APBB2: variants seen among roughly 807,000 people sequenced by gnomAD.
APBB2 encodes the protein amyloid beta precursor protein binding family B member 2, also known as Fe65-like 1.
APBB2 carries 38 observed loss-of-function variants against 82.5 expected under a neutral mutation model. The ratio of observed to expected loss-of-function variants is 0.46; its 90% CI spans 0.36 to 0.60. The LOEUF is 0.60. Ranked by LOEUF, APBB2 falls within the 20% of genes least tolerant of loss-of-function variation. APBB2 has a pLI of 0.00. For synonymous variants in APBB2, 341 were observed against 368.2 expected (o/e 0.93, Z 0.85); for missense variants, 772 against 972.3 (o/e 0.79, Z 2.74).
intron 5 of APBB2, among the ~76,000 whole-genome samples, chr4:41,030,900 A>G (rs905892347): frequency 6.6e-6 from 1 of 152,084 alleles, no homozygotes; most frequent in African/African-American, 2.4e-5. Flanking sequence ...AAGGGCCAAT[A>G]GGAGTTTCAG....
intron 4 of APBB2, among the ~76,000 whole-genome samples, chr4:41,052,954 G>A (rs750765559): frequency 4.0e-5 from 6 of 151,894 alleles, no homozygotes; most frequent in South Asian, 4.2e-4. Context: ...TGGTAGTGAC[G>A]GGGTTTCACC....
intron 12 of APBB2, among the ~76,000 whole-genome samples, chr4:40,842,170 G>A (rs1756030035): frequency 6.6e-6 from 1 of 152,236 alleles, no homozygotes; most frequent in African/African-American, 2.4e-5. Context: ...AGTAGAGAAT[G>A]AGGAACGCAG....
chr4:41,185,260 C>A (rs570447769), intron 1 of APBB2, among the ~76,000 whole-genome samples: 2 of 152,182 alleles, frequency 1.3e-5, no homozygotes, highest in African/African-American at 2.4e-5. Flanking sequence ...CACAGCATTA[C>A]AATGAAGCTG....
chr4:41,009,329 T>C (rs975220193), intron 6 of APBB2, among the ~76,000 whole-genome samples: 17 of 151,334 alleles, frequency 1.1e-4, no homozygotes, highest in African/African-American at 3.9e-4. Flanking sequence ...TTTTCTAAAC[T>C]CCTATGAAAA....
chr4:40,959,948 C>T (rs992755383), intron 6 of APBB2, among the ~76,000 whole-genome samples: 8 of 152,102 alleles, frequency 5.3e-5, no homozygotes, highest in South Asian at 4.2e-4. Context: ...ATAACTTGAT[C>T]GAGGTTAGGA....
At chr4:40,908,140 C>T (rs1480040823) in intron 10 of APBB2, among the ~76,000 whole-genome samples, 4 of 151,650 alleles carry the variant, frequency 2.6e-5, no homozygotes, top group Admixed American at 1.3e-4. Context: ...AGCAGGGAGG[C>T]GCCCACACAG....
intron 6 of APBB2, among the ~76,000 whole-genome samples, chr4:40,995,525 T>C (rs969081030): frequency 6.6e-6 from 1 of 151,552 alleles, no homozygotes; most frequent in Non-Finnish European, 1.5e-5. Flanking sequence ...CCACTATATC[T>C]GGCTAATGTT....
chr4:41,074,964 A>G (rs1419812840), intron 3 of APBB2, among the ~76,000 whole-genome samples: 1 of 152,118 alleles, frequency 6.6e-6, no homozygotes, highest in Non-Finnish European at 1.5e-5. Context: ...AGCCTGAGAA[A>G]CATGGCAAAA....
intron 10 of APBB2, among the ~76,000 whole-genome samples, chr4:40,907,375 ATATATTTTTTT>A (rs1452766319): frequency 1.3e-3 from 42 of 32,502 alleles, no homozygotes; most frequent in East Asian, 0.012. Flanking sequence ...ATATATATAT[ATATATTTTTTT>A]TTTTTTTTTT....
Position 40,810,686 on chromosome 4 carries a change from T to C in APBB2, c.*5406A>G, listed in dbSNP as rs755353240. On this transcript the variant is annotated 3_prime_UTR_variant, in exon 18 of 18. Transcript: ENST00000508593. The stretch of plus-strand genomic sequence containing the variant: ...AATCCCTGAAGAAGAATTCTTCATG[T>C]TATCACTCTTGTACAGAAAGATATA... 6.6e-6 allele frequency: 1 copy of C among 152,150 alleles called. No individual in the cohort carries two copies. Among genetic ancestry groups the C allele is most frequent in the Non-Finnish European group, 1.5e-5 (1 of 68,014 alleles). 9.4% of individuals were successfully genotyped at this position (152,150 alleles called of 1,614,324 possible).
chr4:40,950,885 GAC>G (rs777312765), intron 6 of APBB2, among the ~76,000 whole-genome samples: 14 of 151,764 alleles, frequency 9.2e-5, no homozygotes, highest in East Asian at 7.7e-4. Context: ...ATTTAAAAAA[GAC>G]AATGAATAAA....
chr4:40,851,329 C>T (rs528977117), intron 12 of APBB2, among the ~76,000 whole-genome samples: 6 of 152,314 alleles, frequency 3.9e-5, no homozygotes, highest in East Asian at 1.9e-4. Context: ...GGATGCCCAA[C>T]ATGTGAAGCG....
chr4:40,916,680 C>T (rs191409629), intron 10 of APBB2, among the ~76,000 whole-genome samples: 1 of 152,188 alleles, frequency 6.6e-6, no homozygotes, highest in East Asian at 1.9e-4. Flanking sequence ...TGAAGGAAGC[C>T]CAGGAGGTCC....
chr4:41,160,023 GAAGAAGAAGAAGAAA>G lies in APBB2; in HGVS notation c.-416-16896_-416-16882del, dbSNP rs1310491642. Among the ~76,000 whole-genome samples the G allele has an allele frequency of 1.1e-3, 159 of 147,284 alleles. 5 individuals carry two copies. Among genetic ancestry groups the G allele is most frequent in the African/African-American group, 4.1e-3 (156 of 37,854 alleles). ...AGAAGAAGAAGAAGAAGAAGAAGAA[GAAGAAGAAGAAGAAA>G]ACATCACAGGATGCTGTTTTGCGGA... On this transcript the variant is annotated intron_variant, in intron 1 of 17. Transcript: ENST00000508593.
chr4:40,997,466 G>A (rs1803942336), intron 6 of APBB2, among the ~76,000 whole-genome samples: 1 of 152,124 alleles, frequency 6.6e-6, no homozygotes, highest in South Asian at 2.1e-4. Flanking sequence ...ACAAAAGCAA[G>A]GTCAGTTAAG....
intron 10 of APBB2, among the ~76,000 whole-genome samples, chr4:40,913,999 G>A (rs1044304385): frequency 6.6e-6 from 1 of 152,092 alleles, no homozygotes; most frequent in Admixed American, 6.6e-5. Context: ...ACCTTGGGAC[G>A]CTGAGATGGG....
At chr4:40,839,696 G>A (rs1453820693) in intron 12 of APBB2, among the ~76,000 whole-genome samples, 3 of 150,000 alleles carry the variant, frequency 2.0e-5, no homozygotes, top group Non-Finnish European at 3.0e-5. Flanking sequence ...GTGGAGTCTC[G>A]CTCTGTTGCC....
chr4:40,922,861 ACC>A (rs1781615536), intron 10 of APBB2, among the ~76,000 whole-genome samples: 2 of 148,714 alleles, frequency 1.3e-5, no homozygotes, highest in Admixed American at 6.7e-5. Context: ...CAAAGGATCC[ACC>A]CCGCTCGGCC....
chr4:40,857,188 T>G (rs1006289514), intron 12 of APBB2: 10 of 983,592 alleles, frequency 1.0e-5, no homozygotes, highest in Non-Finnish European at 1.2e-5. Flanking sequence ...CCCTGCGCCC[T>G]CCCTGCCCCG....
Sources: gnomAD v4.1 joint callset for allele counts (sites outside exome capture counted in the v4.1 genomes callset) on GRCh38, gnomAD v4.1.1 for gene constraint, MANE v1.5 for transcripts, NCBI Gene and HGNC (gene_info 2026-07-23, HGNC 2026-07-21) for gene names.